The following PLXDC1 variants were observed in gnomAD, a reference collection of about 807,000 sequenced individuals.
PLXDC1 encodes plexin domain containing 1.
Under a neutral mutation model 61.3 loss-of-function variants are expected in PLXDC1, and 39 were observed. That is an observed-to-expected ratio of 0.64 (90% confidence interval 0.49 to 0.83). The LOEUF (loss-of-function observed/expected upper bound fraction) is 0.83. Among genes scored for constraint, PLXDC1 ranks in the 40% least tolerant of loss-of-function variants. The probability of loss-of-function intolerance (pLI) is 0.00; values close to 1 mark genes in which losing one functional copy is unlikely to be tolerated. For missense variants in PLXDC1, 596 were observed against 666.5 expected (o/e 0.89, Z 1.17); for synonymous variants, 212 against 254.5 (o/e 0.83, Z 1.59).
At chr17:39,097,696 A>T (rs1031918984) in intron 7 of PLXDC1, among the ~76,000 whole-genome samples, 3 of 150,872 alleles carry the variant, frequency 2.0e-5, no homozygotes, top group Non-Finnish European at 4.4e-5. Flanking sequence ...ACCCTATTTT[A>T]TTATTTGTCT....
chr17:39,075,274 T>C (rs151036714), intron 11 of PLXDC1, among the ~76,000 whole-genome samples: 31 of 152,352 alleles, frequency 2.0e-4, no homozygotes, highest in East Asian at 1.2e-3. Context: ...TTCTTTTTCA[T>C]TGAATCCCCT....
intron 7 of PLXDC1, among the ~76,000 whole-genome samples, chr17:39,095,209 G>C (rs1019104696): frequency 6.6e-6 from 1 of 151,876 alleles, no homozygotes; most frequent in African/African-American, 2.4e-5. Context: ...CCAGCGGAGT[G>C]GGGGAGGCTG....
At position 39,151,543 on chromosome 17, in the gene PLXDC1, G is replaced by T. The variant is rs1597664854; in HGVS notation, c.-106C>A. ...GCGCGGTCCCCGGGGCTGGCGGAGGGGCGGGCGGCGAGGAGACGGCGGAGC... is the reference window on the plus strand; with the variant it reads ...GCGCGGTCCCCGGGGCTGGCGGAGGTGCGGGCGGCGAGGAGACGGCGGAGC... On this transcript the variant is annotated 5_prime_UTR_variant, in exon 1 of 14. Coordinates refer to ENST00000315392, the MANE Select transcript of PLXDC1 (RefSeq NM_020405.5). The surrounding 1 kb of genome is among the most constrained non-coding windows in gnomAD (Gnocchi z 5.2). 1 of 1,213,592 alleles carries T rather than the reference G, an allele frequency of 8.2e-7. No individual in the cohort carries two copies. Among genetic ancestry groups the T allele is most frequent in the East Asian group, 3.3e-5 (1 of 30,046 alleles). The allele number at this position is 1,213,592 out of a possible 1,614,324, so 75.2% of individuals were successfully genotyped here.
chr17:39,143,042 G>T (rs1438937225), intron 1 of PLXDC1, among the ~76,000 whole-genome samples: 1 of 152,138 alleles, frequency 6.6e-6, no homozygotes, highest in Non-Finnish European at 1.5e-5. Context: ...GGAGGCTGAG[G>T]CAGGAGAATT....
intron 2 of PLXDC1, among the ~76,000 whole-genome samples, chr17:39,120,917 G>T (rs1025803073): frequency 6.6e-6 from 1 of 151,904 alleles, no homozygotes; most frequent in Non-Finnish European, 1.5e-5. Flanking sequence ...GCCATCACGC[G>T]CAGCTAATTT....
intron 2 of PLXDC1, among the ~76,000 whole-genome samples, chr17:39,129,616 GAAAGAAAGAAAGA>G (rs930883081): frequency 3.6e-5 from 5 of 138,210 alleles, no homozygotes; most frequent in Non-Finnish European, 6.1e-5. Flanking sequence ...GACTCTGTCA[GAAAGAAAGAAAGA>G]AAAGAAAGAA....
At chr17:39,099,866 C>T (rs945469799) in intron 7 of PLXDC1, among the ~76,000 whole-genome samples, 5 of 152,162 alleles carry the variant, frequency 3.3e-5, no homozygotes, top group African/African-American at 7.2e-5. Context: ...AGAGCCTCTA[C>T]GGTGGCTGCC....
intron 2 of PLXDC1, among the ~76,000 whole-genome samples, chr17:39,127,890 G>A (rs1191558156): frequency 1.4e-5 from 2 of 144,726 alleles, no homozygotes; most frequent in African/African-American, 2.6e-5. Context: ...CCGAGGAGGT[G>A]GAGATCGCAC....
chr17:39,152,277 C>G (rs1233796148), upstream of PLXDC1, among the ~76,000 whole-genome samples: 1 of 151,848 alleles, frequency 6.6e-6, no homozygotes, highest in African/African-American at 2.4e-5. Context: ...CAGTCTGGAC[C>G]CCTCCCCACG....
intron 2 of PLXDC1, among the ~76,000 whole-genome samples, chr17:39,136,821 T>C (rs1911767038): frequency 1.3e-5 from 2 of 151,654 alleles, no homozygotes; most frequent in African/African-American, 4.8e-5. Flanking sequence ...ATTATGAAAA[T>C]AAGATTGAGA....
At chr17:39,139,325 G>C (rs992945601) in intron 2 of PLXDC1, among the ~76,000 whole-genome samples, 1 of 152,210 alleles carries the variant, frequency 6.6e-6, no homozygotes, top group Admixed American at 6.5e-5. Flanking sequence ...TGACTCATAA[G>C]GCCACTGTCA....
At chr17:39,111,249 GAC>G (rs71141760) in intron 2 of PLXDC1, among the ~76,000 whole-genome samples, 6 of 152,078 alleles carry the variant, frequency 3.9e-5, no homozygotes, top group Non-Finnish European at 7.4e-5. Flanking sequence ...TTCTCCCCTT[GAC>G]AGATTCCTGG....
intron 1 of PLXDC1, among the ~76,000 whole-genome samples, chr17:39,140,316 C>CTTT (rs772766013): frequency 6.6e-6 from 1 of 151,028 alleles, no homozygotes; most frequent in African/African-American, 2.4e-5. Flanking sequence ...TTTTCTTTTT[C>CTTT]TTTTTTTGAA....
intron 7 of PLXDC1, among the ~76,000 whole-genome samples, chr17:39,097,470 C>T (rs979003765): frequency 6.6e-6 from 1 of 152,104 alleles, no homozygotes; most frequent in African/African-American, 2.4e-5. Context: ...CCCTTAGCCA[C>T]ATAAAAGCCA....
At position 39,106,081 on chromosome 17, in the gene PLXDC1, G is replaced by A. The variant is rs186655735; in HGVS notation, c.712-128C>T. On this transcript the variant is annotated intron_variant, in intron 6 of 13. Coordinates refer to ENST00000315392, the MANE Select transcript of PLXDC1 (RefSeq NM_020405.5). ...CCTGGAGGACTCCAAGACATTGGAA[G>A]CCCAGTGGGACCCCACCCAAATTCC... 4.2e-4 allele frequency: 246 copies of A among 591,780 alleles called. No individual in the cohort carries two copies. The African/African-American group carries it at 4.3e-3, about 10-fold the overall frequency. 36.7% of individuals were successfully genotyped at this position (591,780 alleles called of 1,614,324 possible). A position where few individuals can be genotyped will look rare whatever the true frequency, so the allele number is the denominator to read the frequency against.
intron 1 of PLXDC1, among the ~76,000 whole-genome samples, chr17:39,150,722 G>A (rs1359799488): frequency 2.0e-5 from 3 of 152,160 alleles, no homozygotes; most frequent in Non-Finnish European, 4.4e-5. Flanking sequence ...AAAGCCAAAG[G>A]CTGCCAGGGC....
At chr17:39,072,236 G>A (rs1446413321) in intron 12 of PLXDC1, 5 of 586,944 alleles carry the variant, frequency 8.5e-6, no homozygotes, top group South Asian at 8.2e-5. Flanking sequence ...GCTGAGATGA[G>A]AAATGTCTAG....
intron 11 of PLXDC1, among the ~76,000 whole-genome samples, chr17:39,075,390 C>T (rs751291486): frequency 5.3e-5 from 8 of 152,210 alleles, no homozygotes; most frequent in Non-Finnish European, 1.2e-4. Flanking sequence ...TCACACTTTG[C>T]TACTCTGCCC....
At chr17:39,119,341 C>T (rs915614923) in intron 2 of PLXDC1, among the ~76,000 whole-genome samples, 2 of 152,274 alleles carry the variant, frequency 1.3e-5, no homozygotes, top group African/African-American at 2.4e-5. Context: ...AGCAAGGGTA[C>T]GTGTTTGAGA....
Sources: allele counts gnomAD v4.1 joint callset (sites outside exome capture counted in the v4.1 genomes callset), GRCh38; gene constraint gnomAD v4.1.1; non-coding constraint Gnocchi (gnomAD v3.1); transcripts MANE v1.5; gene names NCBI Gene and HGNC (gene_info 2026-07-23, HGNC 2026-07-21).